The following AGBL1 variants were observed in gnomAD, a reference collection of about 807,000 sequenced individuals.
AGBL1 encodes the protein AGBL carboxypeptidase 1, also known as cytosolic carboxypeptidase 4.
AGBL1 carries 130 observed loss-of-function variants against 118.9 expected under a neutral mutation model. The ratio of observed to expected loss-of-function variants is 1.09; its 90% CI spans 0.95 to 1.26. The LOEUF (loss-of-function observed/expected upper bound fraction) is 1.26. Ranked by LOEUF, AGBL1 falls within the 50% of genes most tolerant of loss-of-function variation. AGBL1 has a pLI of 0.00. For missense variants in AGBL1, 1,584 were observed against 1,298.1 expected (o/e 1.22, Z -3.38); for synonymous variants, 555 against 478.9 (o/e 1.16, Z -2.08).
chr15:86,634,239 A>G (rs2085038980), intron 21 of AGBL1, among the ~76,000 whole-genome samples: 1 of 152,200 alleles, frequency 6.6e-6, no homozygotes, highest in Non-Finnish European at 1.5e-5. Flanking sequence ...GTGAAAACAT[A>G]TGTCCACACA....
At chr15:86,563,027 T>C (rs1282071346) in intron 21 of AGBL1, among the ~76,000 whole-genome samples, 1 of 152,194 alleles carries the variant, frequency 6.6e-6, no homozygotes, top group Non-Finnish European at 1.5e-5. Flanking sequence ...ATTTGATTCT[T>C]CTCTCTTTTT....
chr15:86,792,351 C>G (rs1233736421), intron 22 of AGBL1, among the ~76,000 whole-genome samples: 1 of 152,030 alleles, frequency 6.6e-6, no homozygotes, highest in African/African-American at 2.4e-5. Context: ...AAGGAGTACT[C>G]TAGTAATTCT....
chr15:86,474,451 C>T (rs2082524717), intron 18 of AGBL1, among the ~76,000 whole-genome samples: 1 of 152,186 alleles, frequency 6.6e-6, no homozygotes, highest in African/African-American at 2.4e-5. Context: ...CTCAGAGGGT[C>T]CCACACCCAC....
intron 19 of AGBL1, among the ~76,000 whole-genome samples, chr15:86,525,582 C>T (rs966130914): frequency 1.3e-5 from 2 of 152,018 alleles, no homozygotes; most frequent in African/African-American, 2.4e-5. Flanking sequence ...TAAAGCCAGC[C>T]ACCTACAATT....
intron 21 of AGBL1, among the ~76,000 whole-genome samples, chr15:86,655,325 A>T (rs1324227457): frequency 2.0e-5 from 3 of 152,202 alleles, no homozygotes; most frequent in Non-Finnish European, 4.4e-5. Flanking sequence ...AGGAAAATAG[A>T]AACTGAACTA....
chr15:86,191,077 A>AAC lies in AGBL1; in HGVS notation c.488+32054_488+32055dup, dbSNP rs2077711252. Among the ~76,000 whole-genome samples, 12 of 152,150 alleles carry AAC rather than the reference A, an allele frequency of 7.9e-5. 1 individual carries two copies. In the South Asian group the frequency reaches 2.5e-3, roughly 32 times the overall value. On this transcript the variant is annotated intron_variant, in intron 5 of 22. Transcript: ENST00000614907. ...TGAGAACACAGGCCGGGTGTGGTGG[A>AAC]ACACGTCTGTAATCCCAGCACTTTG...
intron 24 of AGBL1, among the ~76,000 whole-genome samples, chr15:87,004,954 A>C (rs957719823): frequency 1.3e-5 from 2 of 152,122 alleles, no homozygotes; most frequent in Non-Finnish European, 2.9e-5. Flanking sequence ...TATGAAGCTT[A>C]GTTTGGCTGG....
intron 22 of AGBL1, among the ~76,000 whole-genome samples, chr15:86,810,251 G>C (rs2078769855): frequency 6.6e-6 from 1 of 152,104 alleles, no homozygotes; most frequent in South Asian, 2.1e-4. Flanking sequence ...ACCTTCTTGG[G>C]GGTTTGGCTC....
chr15:86,206,431 C>T (rs1012521788), intron 5 of AGBL1, among the ~76,000 whole-genome samples: 7 of 152,230 alleles, frequency 4.6e-5, no homozygotes, highest in Non-Finnish European at 1.0e-4. Flanking sequence ...CTCCCACCAA[C>T]AGTGAGAAAG....
chr15:86,122,166 A>G (rs1208002894), intron 1 of AGBL1, among the ~76,000 whole-genome samples: 1 of 152,198 alleles, frequency 6.6e-6, no homozygotes, highest in Non-Finnish European at 1.5e-5. Flanking sequence ...CATTGGAGCA[A>G]CAGGATATTG....
intron 1 of AGBL1, among the ~76,000 whole-genome samples, chr15:86,091,677 A>C (rs955964303): frequency 1.3e-5 from 2 of 152,206 alleles, no homozygotes; most frequent in Admixed American, 1.3e-4. Flanking sequence ...CCACTTGATC[A>C]GGTTTAAGTT....
chr15:86,736,521 G>A (rs367564991), intron 22 of AGBL1, among the ~76,000 whole-genome samples: 22 of 152,256 alleles, frequency 1.4e-4, no homozygotes, highest in South Asian at 4.1e-4. Flanking sequence ...GGAAACAGAC[G>A]TAGAGAACTT....
intron 21 of AGBL1, among the ~76,000 whole-genome samples, chr15:86,590,128 G>A (rs1195471680): frequency 6.6e-6 from 1 of 152,116 alleles, no homozygotes; most frequent in Non-Finnish European, 1.5e-5. Context: ...CCATCTTGAG[G>A]CTACACACAG....
intron 22 of AGBL1, among the ~76,000 whole-genome samples, chr15:86,792,492 T>C (rs949381942): frequency 3.9e-5 from 6 of 152,202 alleles, no homozygotes; most frequent in Non-Finnish European, 7.3e-5. Flanking sequence ...AAGATTTTTA[T>C]TGGGAGTTTC....
At chr15:86,264,028 C>T (rs1396698109) in intron 10 of AGBL1, among the ~76,000 whole-genome samples, 1 of 152,130 alleles carries the variant, frequency 6.6e-6, no homozygotes, top group Non-Finnish European at 1.5e-5. Flanking sequence ...CATTCAAATA[C>T]TGTTTTGCAT....
intron 7 of AGBL1, among the ~76,000 whole-genome samples, chr15:86,249,604 C>T (rs910005008): frequency 1.3e-5 from 2 of 152,048 alleles, no homozygotes; most frequent in Admixed American, 6.6e-5. Flanking sequence ...TTGTGGTTGC[C>T]CAAGTCTCTA....
At chr15:86,366,394 T>A (rs527889250) in intron 17 of AGBL1, among the ~76,000 whole-genome samples, 131 of 152,326 alleles carry the variant, frequency 8.6e-4, no homozygotes, top group African/African-American at 3.1e-3. Context: ...ATGGTCATCA[T>A]ATCCTATATG....
chr15:86,339,280 T>C (rs1199646369), intron 17 of AGBL1, among the ~76,000 whole-genome samples: 1 of 151,440 alleles, frequency 6.6e-6, no homozygotes, highest in Non-Finnish European at 1.5e-5. Flanking sequence ...AAGAACTTTT[T>C]TCTTTATTTT....
At chr15:86,118,473 C>CAA (rs55759602) in intron 1 of AGBL1, among the ~76,000 whole-genome samples, 7 of 145,384 alleles carry the variant, frequency 4.8e-5, no homozygotes, top group African/African-American at 1.3e-4. Flanking sequence ...AATTACACTT[C>CAA]AAAAAAAAAA....
Sources: allele counts gnomAD v4.1 joint callset (sites outside exome capture counted in the v4.1 genomes callset), GRCh38; gene constraint gnomAD v4.1.1; transcripts MANE v1.5; gene names NCBI Gene and HGNC (gene_info 2026-07-23, HGNC 2026-07-21).